Variants in CNTNAP2 observed in about 807,000 individuals in gnomAD.
CNTNAP2 encodes the protein contactin-associated protein-like 2.
CNTNAP2 carries 98 observed loss-of-function variants against 155.2 expected under a neutral mutation model. The observed-to-expected ratio is 0.63, with a 90% confidence interval of 0.54 to 0.75. The LOEUF is 0.75. CNTNAP2 is among the 30% of genes least tolerant of loss of function. The pLI, the probability that CNTNAP2 is intolerant of heterozygous loss-of-function variation, is 0.00. For synonymous variants in CNTNAP2, 651 were observed against 631.2 expected (o/e 1.03, Z -0.47); for missense variants, 1,727 against 1,688.1 (o/e 1.02, Z -0.40).
At chr7:147,087,373 G>T (rs10256327) in intron 4 of CNTNAP2, among the ~76,000 whole-genome samples, 1 of 151,756 alleles carries the variant, frequency 6.6e-6, no homozygotes, top group Non-Finnish European at 1.5e-5. Flanking sequence ...TCTTTGTTCT[G>T]TTTTTTTTAA....
chr7:147,197,881 CA>C (rs775653689), intron 8 of CNTNAP2, among the ~76,000 whole-genome samples: 76 of 151,938 alleles, frequency 5.0e-4, no homozygotes, highest in Non-Finnish European at 7.1e-4. Flanking sequence ...TAAAATTGTC[CA>C]AAAATTTTGA....
chr7:146,143,493 G>A (rs563173776), intron 1 of CNTNAP2, among the ~76,000 whole-genome samples: 9 of 152,046 alleles, frequency 5.9e-5, no homozygotes, highest in African/African-American at 2.2e-4. Flanking sequence ...TCTTCTGATT[G>A]TCACTCCTAT....
chr7:147,111,274 G>C (rs539252902), intron 5 of CNTNAP2, among the ~76,000 whole-genome samples: 1 of 152,252 alleles, frequency 6.6e-6, no homozygotes, highest in African/African-American at 2.4e-5. Flanking sequence ...TTAGACCTTT[G>C]TCAGATGGAT....
At chr7:146,281,850 T>C (rs1001502236) in intron 1 of CNTNAP2, among the ~76,000 whole-genome samples, 8 of 152,096 alleles carry the variant, frequency 5.3e-5, no homozygotes, top group African/African-American at 1.9e-4. Context: ...AAAGTGTAAC[T>C]ATATCATAGG....
intron 13 of CNTNAP2, among the ~76,000 whole-genome samples, chr7:147,700,585 T>G: frequency 6.6e-6 from 1 of 152,172 alleles, no homozygotes; most frequent in East Asian, 1.9e-4. Context: ...AGTCACAGTA[T>G]GAGTGCTAAA....
chr7:146,637,427 T>C (rs1034281862), intron 1 of CNTNAP2, among the ~76,000 whole-genome samples: 2 of 152,330 alleles, frequency 1.3e-5, no homozygotes, highest in Middle Eastern at 3.4e-3. Flanking sequence ...CTTTTTTCAT[T>C]CTTCCTTAAT....
At position 146,622,885 on chromosome 7, in the gene CNTNAP2, C is replaced by T. The variant is rs371414790; in HGVS notation, c.98-151386C>T. Among the ~76,000 whole-genome samples, 50 of 150,254 alleles carry T rather than the reference C, an allele frequency of 3.3e-4. 1 individual carries two copies. The East Asian group carries it at 9.1e-3, about 27-fold the overall frequency. ...GACAGGAGAATTGCTTGAACTCGGC[C>T]AGCGGAGGTTGCAGTGAGCTGAGAT... On this transcript the variant is annotated intron_variant, in intron 1 of 23. Transcript: ENST00000361727.
chr7:146,828,765 A>T (rs1205914593), intron 2 of CNTNAP2, among the ~76,000 whole-genome samples: 1 of 152,104 alleles, frequency 6.6e-6, no homozygotes, highest in Admixed American at 6.6e-5. Context: ...TAAGTGTTCA[A>T]GATGTTCTAA....
intron 3 of CNTNAP2, among the ~76,000 whole-genome samples, chr7:146,867,721 C>T (rs1489241821): frequency 6.0e-5 from 9 of 150,836 alleles, no homozygotes; most frequent in Admixed American, 4.0e-4. Flanking sequence ...TTCTGACTGG[C>T]GTGAGGTGGT....
intron 11 of CNTNAP2, among the ~76,000 whole-genome samples, chr7:147,550,049 G>A (rs1052941302): frequency 6.6e-6 from 1 of 152,266 alleles, no homozygotes; most frequent in African/African-American, 2.4e-5. Flanking sequence ...ACTATATAAT[G>A]AGAAATGAGT....
chr7:147,862,398 CTAT>C (rs1799151367), intron 13 of CNTNAP2, among the ~76,000 whole-genome samples: 1 of 95,312 alleles, frequency 1.0e-5, no homozygotes, highest in Non-Finnish European at 2.3e-5. Context: ...AATAAATTTC[CTAT>C]AACATGCATC....
intron 21 of CNTNAP2, among the ~76,000 whole-genome samples, chr7:148,286,204 G>A (rs1247832424): frequency 2.0e-5 from 3 of 152,192 alleles, no homozygotes; most frequent in Non-Finnish European, 4.4e-5. Context: ...GACTCATGCA[G>A]TTTAAAACCA....
chr7:147,401,251 G>C (rs776618434), intron 10 of CNTNAP2, among the ~76,000 whole-genome samples: 6 of 152,066 alleles, frequency 3.9e-5, no homozygotes, highest in South Asian at 2.1e-4. Context: ...ATAACACAGA[G>C]AGCGGAAAAG....
chr7:146,340,168 CAAA>C (rs1195946572), intron 1 of CNTNAP2, among the ~76,000 whole-genome samples: 107 of 54,892 alleles, frequency 1.9e-3, no homozygotes, highest in African/African-American at 5.7e-3. Flanking sequence ...GACTCCGCCT[CAAA>C]AAAAAAAAAA....
Position 148,409,392 on chromosome 7 carries a change from C to G in CNTNAP2, c.3717C>G (p.Ala1239=). ...ACTTGACTCTTTCTTTCTCTACAGCCAGTGCGGATTTTCCATATAATCCAG... is the reference window on the plus strand; with the variant it reads ...ACTTGACTCTTTCTTTCTCTACAGCGAGTGCGGATTTTCCATATAATCCAG... ...DPWHLDHLDS[A]SADFPYNPGQ... Residue 1239 remains alanine (A), a splice_region_variant and synonymous_variant, in exon 23 of 24, where the codon GCC becomes GCG. Coordinates refer to ENST00000361727, the MANE Select transcript of CNTNAP2 (RefSeq NM_014141.6). The G allele has an allele frequency of 6.2e-7, 1 of 1,608,530 alleles. No homozygotes were observed. Among genetic ancestry groups the G allele is most frequent in the Non-Finnish European group, 8.5e-7 (1 of 1,175,054 alleles).
chr7:147,765,031 A>G (rs991173765), intron 13 of CNTNAP2, among the ~76,000 whole-genome samples: 12 of 152,218 alleles, frequency 7.9e-5, no homozygotes, highest in African/African-American at 2.9e-4. Context: ...ATGCTTGTAA[A>G]GTCTACTCAT....
chr7:147,922,945 G>A (rs1027687221), intron 14 of CNTNAP2, among the ~76,000 whole-genome samples: 3 of 151,858 alleles, frequency 2.0e-5, no homozygotes, highest in East Asian at 3.9e-4. Flanking sequence ...TGACACCTTA[G>A]TCAAGTGTCC....
rs57666141 is a variant in CNTNAP2, at chr7:148,407,703, T to TA, written c.3716-1666dup. On this transcript the variant is annotated intron_variant, in intron 22 of 23. Coordinates refer to ENST00000361727, the MANE Select transcript of CNTNAP2 (RefSeq NM_014141.6). ...TGGTCAACACAGCAAGACCAAATCT[T>TA]AAAAAAAAAAAAAAAAAAAAAAGGA... is the stretch of plus-strand genomic sequence containing the variant. 8.2e-4 allele frequency among the ~76,000 whole-genome samples: 76 copies of TA among 93,094 alleles called. 1 individual carries two copies. The highest frequency in any genetic ancestry group is 1.4e-3 in the South Asian group (4 of 2,866). The allele number at this position is 93,094 out of a possible 152,430, so 61.1% of individuals were successfully genotyped here. A position where few individuals can be genotyped will look rare whatever the true frequency, so the allele number is the denominator to read the frequency against.
chr7:147,794,061 C>T (rs551724812), intron 13 of CNTNAP2, among the ~76,000 whole-genome samples: 14 of 151,778 alleles, frequency 9.2e-5, no homozygotes, highest in South Asian at 6.3e-4. Flanking sequence ...TTAGTGGATT[C>T]CTTATGATGT....
Sources: gnomAD v4.1 joint callset for allele counts (sites outside exome capture counted in the v4.1 genomes callset) on GRCh38, gnomAD v4.1.1 for gene constraint, MANE v1.5 for transcripts, NCBI Gene and HGNC (gene_info 2026-07-23, HGNC 2026-07-21) for gene names.